The following ADCYAP1R1 variants were observed in gnomAD, a reference collection of about 807,000 sequenced individuals.
ADCYAP1R1 encodes pituitary adenylate cyclase-activating polypeptide type I receptor.
A neutral mutation model predicts 67.6 loss-of-function variants in ADCYAP1R1; 44 were observed. That is an observed-to-expected ratio of 0.65 (90% confidence interval 0.51 to 0.84). The LOEUF (loss-of-function observed/expected upper bound fraction) is 0.84. Ranked by LOEUF, ADCYAP1R1 falls within the 40% of genes least tolerant of loss-of-function variation. The pLI, the probability that ADCYAP1R1 is intolerant of heterozygous loss-of-function variation, is 0.00. For synonymous variants in ADCYAP1R1, 222 were observed against 219.6 expected, an observed-to-expected ratio of 1.01 and a Z score of -0.10; for missense variants, 477 against 587.9, an observed-to-expected ratio of 0.81 and a Z score of 1.95.
intron 13 of ADCYAP1R1, among the ~76,000 whole-genome samples, chr7:31,095,278 C>T (rs1490158247): frequency 6.6e-6 from 1 of 152,192 alleles, no homozygotes; most frequent in Non-Finnish European, 1.5e-5. Context: ...AAGGAGGATG[C>T]CATGGCTGTG....
chr7:31,090,134 G>A (rs1466255307), intron 12 of ADCYAP1R1, among the ~76,000 whole-genome samples: 4 of 152,086 alleles, frequency 2.6e-5, no homozygotes, highest in Non-Finnish European at 4.4e-5. Context: ...TCTGGACCTG[G>A]TACCTTTTAA....
At chr7:31,081,166 G>A (rs1348481854) in intron 5 of ADCYAP1R1, among the ~76,000 whole-genome samples, 1 of 152,104 alleles carries the variant, frequency 6.6e-6, no homozygotes, top group Non-Finnish European at 1.5e-5. Context: ...GGTGGAAATG[G>A]GGTCTCATTG....
intron 13 of ADCYAP1R1, among the ~76,000 whole-genome samples, chr7:31,099,061 C>T (rs1796329725): frequency 6.6e-6 from 1 of 152,166 alleles, no homozygotes; most frequent in Non-Finnish European, 1.5e-5. Context: ...TGGCTTGTGT[C>T]AGCCCAAGTC....
At chr7:31,053,027 A>C (rs554999201) in intron 1 of ADCYAP1R1, among the ~76,000 whole-genome samples, 1 of 152,284 alleles carries the variant, frequency 6.6e-6, no homozygotes, top group South Asian at 2.1e-4. Context: ...CCAGGGGGGC[A>C]GGCAAGCCAT....
chr7:31,078,018 C>T lies in ADCYAP1R1; in HGVS notation c.185C>T (p.Thr62Met), dbSNP rs753693167. 12 of 1,612,416 alleles carry T rather than the reference C, an allele frequency of 7.4e-6. No homozygotes were observed. Among genetic ancestry groups the T allele is most frequent in the South Asian group, 2.2e-5 (2 of 90,824 alleles). The change falls in exon 4 of 16, where the codon ACG (threonine) becomes ATG (methionine). Residue 62 changes from threonine to methionine, a missense_variant. By Grantham distance (81) the Thr-to-Met change is moderately conservative. Coordinates refer to ENST00000304166, the MANE Select transcript of ADCYAP1R1 (RefSeq NM_001118.5). ...PGCPGMWDNI[T>M]CWKPAHVGEM... ...TGTCCTGGGATGTGGGACAACATCA[C>T]GTGTTGGAAGCCCGCCCATGTGGGT...
rs1252961546 is a variant in ADCYAP1R1 at position 31,109,614 on chromosome 7, C to G, written c.*2930C>G. 1 of 152,132 alleles carries G rather than the reference C, an allele frequency of 6.6e-6. No individual in the cohort carries two copies. The highest frequency in any genetic ancestry group is 1.5e-5 in the Non-Finnish European group (1 of 68,022). 9.4% of individuals were successfully genotyped at this position (152,132 alleles called of 1,614,324 possible). Reference sequence around the variant, plus strand: ...AAGGGGTTTCTCGTTCTATGCAATCCTAAAGGACGAAACTCACCCATGGGA... The same window carrying G: ...AAGGGGTTTCTCGTTCTATGCAATCGTAAAGGACGAAACTCACCCATGGGA... On this transcript the variant is annotated 3_prime_UTR_variant, in exon 16 of 16. Transcript: ENST00000304166.
intron 15 of ADCYAP1R1, among the ~76,000 whole-genome samples, chr7:31,105,524 C>T (rs1214136148): frequency 6.6e-6 from 1 of 152,184 alleles, no homozygotes; most frequent in East Asian, 1.9e-4. Context: ...GAGCACAACC[C>T]AAAACAGAGG....
intron 3 of ADCYAP1R1, among the ~76,000 whole-genome samples, chr7:31,072,482 A>G (rs1795031196): frequency 6.6e-6 from 1 of 152,208 alleles, no homozygotes. Context: ...AAGCCCTGTC[A>G]GCTCTGCTCC....
intron 6 of ADCYAP1R1, 140 bp downstream of exon 6, chr7:31,081,894 T>C (rs969792223): frequency 1.2e-5 from 7 of 603,030 alleles, no homozygotes; most frequent in Admixed American, 9.2e-5. Flanking sequence ...TTTTTTTCTC[T>C]GATAAAGGTA....
rs1013130813 is a variant in ADCYAP1R1 at position 31,052,473 on chromosome 7, C to G, written c.-277C>G. On this transcript the variant is annotated 5_prime_UTR_variant, in exon 1 of 16. Coordinates refer to ENST00000304166, the MANE Select transcript of ADCYAP1R1 (RefSeq NM_001118.5). ...GCGGCGGCTCCGGGCGAGCGTGGTC[C>G]CCGCGTGCGCACACGCACACGCCGC... is the stretch of plus-strand genomic sequence containing the variant. The G allele has an allele frequency of 6.7e-6, 1 of 149,816 alleles. No homozygotes were observed. The highest frequency in any genetic ancestry group is 2.0e-4 in the East Asian group (1 of 5,084). 9.3% of individuals were successfully genotyped at this position (149,816 alleles called of 1,614,324 possible).
At chr7:31,058,321 G>T (rs1348103637) in intron 1 of ADCYAP1R1, among the ~76,000 whole-genome samples, 1 of 152,228 alleles carries the variant, frequency 6.6e-6, no homozygotes, top group African/African-American at 2.4e-5. Context: ...TGTGCTGCCT[G>T]ATGATGCTAT....
chr7:31,060,058 T>C (rs115158254), intron 1 of ADCYAP1R1, among the ~76,000 whole-genome samples: 4,932 of 142,300 alleles, frequency 0.035, 260 homozygotes, highest in African/African-American at 0.12. Flanking sequence ...GTCACTGGGC[T>C]GGGGACACAC....
intron 14 of ADCYAP1R1, 145 bp downstream of exon 14, chr7:31,103,511 C>A: frequency 2.6e-6 from 3 of 1,151,168 alleles, no homozygotes; most frequent in Non-Finnish European, 3.7e-6. Flanking sequence ...CTGCTGTCTA[C>A]CCTTAGGGCT....
At position 31,085,406 on chromosome 7, in the gene ADCYAP1R1, T is replaced by C; in HGVS notation, c.633T>C (p.Tyr211=). Residue 211 remains tyrosine, a synonymous_variant, in exon 9 of 16, where the codon TAT becomes TAC. Transcript: ENST00000304166. ...ISVFIKDWIL[Y]AEQDSNHCFI... ...TCTTCATCAAAGACTGGATTCTGTA[T>C]GCGGAGCAGGACAGCAACCACTGCT... 6.2e-7 allele frequency: 1 copy of C among 1,613,902 alleles called. No individual in the cohort carries two copies. Among genetic ancestry groups the C allele is most frequent in the Non-Finnish European group, 8.5e-7 (1 of 1,180,002 alleles).
At chr7:31,070,498 C>T (rs914914942) in intron 3 of ADCYAP1R1, among the ~76,000 whole-genome samples, 6 of 152,190 alleles carry the variant, frequency 3.9e-5, no homozygotes, top group Non-Finnish European at 7.3e-5. Flanking sequence ...GTCCTCTCTA[C>T]GTTCAATAGA....
chr7:31,083,177 G>T (rs1048669291), intron 6 of ADCYAP1R1, among the ~76,000 whole-genome samples: 2 of 152,260 alleles, frequency 1.3e-5, no homozygotes, highest in Non-Finnish European at 2.9e-5. Context: ...GATAGACCGG[G>T]TACGCTCCCA....
Position 31,092,718 on chromosome 7 carries a change from T to A in ADCYAP1R1, c.1029T>A (p.Asn343Lys). ...TTCAGTCTCCAGACATGGGAGGCAA[T>A]GAGTCCAGCATCTACTTGTAAGTAC... ...QKLQSPDMGGNESSIYLRLAR... is the reference protein window; with the variant it reads ...QKLQSPDMGGKESSIYLRLAR... Residue 343 changes from asparagine (N) to lysine (K), a missense_variant, in exon 13 of 16, where the codon AAT becomes AAA. Coordinates refer to ENST00000304166, the MANE Select transcript of ADCYAP1R1 (RefSeq NM_001118.5). The A allele has an allele frequency of 6.2e-7, 1 of 1,612,700 alleles. No individual in the cohort carries two copies. Among genetic ancestry groups the A allele is most frequent in the African/African-American group, 1.3e-5 (1 of 74,894 alleles).
chr7:31,093,172 C>T (rs1258431936), intron 13 of ADCYAP1R1, among the ~76,000 whole-genome samples: 1 of 152,212 alleles, frequency 6.6e-6, no homozygotes, highest in Non-Finnish European at 1.5e-5. Context: ...CCAGTTCCCA[C>T]TAGCGAGTCA....
intron 1 of ADCYAP1R1, among the ~76,000 whole-genome samples, chr7:31,060,488 AGTGT>A (rs1029009371): frequency 6.7e-6 from 1 of 149,366 alleles, no homozygotes; most frequent in Non-Finnish European, 1.5e-5. Flanking sequence ...TCTGTGAAGG[AGTGT>A]GTGTGTGTGG....
Sources: allele counts gnomAD v4.1 joint callset (sites outside exome capture counted in the v4.1 genomes callset), GRCh38; gene constraint gnomAD v4.1.1; transcripts MANE v1.5; gene names NCBI Gene and HGNC (gene_info 2026-07-23, HGNC 2026-07-21).